The following LHFPL3 variants were observed in gnomAD, a reference collection of about 807,000 sequenced individuals.
LHFPL3 encodes LHFPL tetraspan subfamily member 3, also known as LHFPL tetraspan subfamily member 3 protein.
Under a neutral mutation model 19.3 loss-of-function variants are expected in LHFPL3, and 5 were observed. That is an observed-to-expected ratio of 0.26 (90% CI 0.14 to 0.54). LHFPL3 has a LOEUF of 0.54. LHFPL3 is among the 20% of genes least tolerant of loss of function. The probability of loss-of-function intolerance (pLI) is 0.94; values close to 1 mark genes in which losing one functional copy is unlikely to be tolerated. For synonymous variants in LHFPL3, 133 were observed against 126.2 expected (o/e 1.05, Z -0.36); for missense variants, 249 against 307.4 (o/e 0.81, Z 1.42).
chr7:104,646,383 C>T (rs1791935697), intron 1 of LHFPL3, among the ~76,000 whole-genome samples: 1 of 152,164 alleles, frequency 6.6e-6, no homozygotes. Context: ...AAGCTATCAT[C>T]AACATCATTG....
At chr7:104,488,337 T>C (rs536911810) in intron 1 of LHFPL3, among the ~76,000 whole-genome samples, 2 of 152,252 alleles carry the variant, frequency 1.3e-5, no homozygotes, top group Non-Finnish European at 2.9e-5. Context: ...AACAGAAACA[T>C]GTACATATCA....
intron 1 of LHFPL3, among the ~76,000 whole-genome samples, chr7:104,362,177 T>G (rs1790399726): frequency 6.6e-6 from 1 of 152,084 alleles, no homozygotes; most frequent in Admixed American, 6.5e-5. Flanking sequence ...TCCTCAGAAA[T>G]AATAGTGAGA....
In LHFPL3 at chr7:104,359,360, A is replaced by G. The variant is rs1021438060; in HGVS notation, c.445+30136A>G. Among the ~76,000 whole-genome samples the G allele has an allele frequency of 1.3e-4, 20 of 152,370 alleles. No homozygotes were observed. The East Asian group carries it at 3.7e-3, about 28-fold the overall frequency. ...ACTTATGTCACTTTACAAGTTAAAA[A>G]TAAAATTTAAAATTATTATATACTA... On this transcript the variant is annotated intron_variant, in intron 1 of 2. Coordinates refer to ENST00000424859, the MANE Select transcript of LHFPL3 (RefSeq NM_199000.3).
intron 1 of LHFPL3, among the ~76,000 whole-genome samples, chr7:104,594,028 C>T (rs13241317): frequency 0.13 from 20,077 of 152,050 alleles, 1,522 homozygotes; most frequent in Non-Finnish European, 0.17. Context: ...GGCATTTAGC[C>T]GATTTACATT....
intron 1 of LHFPL3, among the ~76,000 whole-genome samples, chr7:104,680,902 G>T (rs1200349171): frequency 1.3e-5 from 2 of 152,124 alleles, no homozygotes; most frequent in African/African-American, 4.8e-5. Flanking sequence ...ATTTAGCCTG[G>T]TGTGAAATGT....
intron 2 of LHFPL3, among the ~76,000 whole-genome samples, chr7:104,789,754 G>T (rs1789986275): frequency 6.6e-6 from 1 of 152,080 alleles, no homozygotes; most frequent in African/African-American, 2.4e-5. Context: ...TAAGTCTCCA[G>T]CACTGATCAT....
chr7:104,401,987 A>T (rs1238885284), intron 1 of LHFPL3, among the ~76,000 whole-genome samples: 1 of 152,188 alleles, frequency 6.6e-6, no homozygotes, highest in South Asian at 2.1e-4. Flanking sequence ...CACAGGAGTC[A>T]TAACAGTCTA....
intron 2 of LHFPL3, among the ~76,000 whole-genome samples, chr7:104,884,314 T>C (rs889826750): frequency 2.6e-5 from 4 of 152,142 alleles, no homozygotes; most frequent in African/African-American, 9.7e-5. Context: ...GGCCTTTGTT[T>C]TGGCAGCTTG....
intron 2 of LHFPL3, among the ~76,000 whole-genome samples, chr7:104,879,865 C>A (rs1384131880): frequency 6.6e-6 from 1 of 152,212 alleles, no homozygotes; most frequent in Non-Finnish European, 1.5e-5. Context: ...CCATGTAGCA[C>A]TTTCACAGCT....
At chr7:104,430,146 A>G (rs1383465798) in intron 1 of LHFPL3, among the ~76,000 whole-genome samples, 3 of 151,584 alleles carry the variant, frequency 2.0e-5, no homozygotes, top group African/African-American at 7.3e-5. Flanking sequence ...AATCTCGTGC[A>G]GGGAAAACAT....
At chr7:104,733,035 T>TG (rs1793734449) in intron 1 of LHFPL3, among the ~76,000 whole-genome samples, 1 of 152,246 alleles carries the variant, frequency 6.6e-6, no homozygotes, top group South Asian at 2.1e-4. Flanking sequence ...TGAGAGGTTT[T>TG]GAGTGAGTTT....
At position 104,368,045 on chromosome 7, in the gene LHFPL3, A is replaced by G. The variant is rs1180951450; in HGVS notation, c.445+38821A>G. Among the ~76,000 whole-genome samples the G allele has an allele frequency of 3.3e-5, 5 of 152,210 alleles. No individual in the cohort carries two copies. In the East Asian group the frequency reaches 9.6e-4, roughly 29 times the overall value. On this transcript the variant is annotated intron_variant, in intron 1 of 2. Transcript: ENST00000424859. ...AAACCCAGCTTTCCTCTCATTAGGA[A>G]TTCAGTGTTCTTGCTAGGATGTTTA...
rs557789065 is a variant in LHFPL3 at position 104,506,568 on chromosome 7, C to T, written c.445+177344C>T. On this transcript the variant is annotated intron_variant, in intron 1 of 2. Transcript: ENST00000424859. The stretch of plus-strand genomic sequence containing the variant: ...GTGGTGCCTGACACTAATTAGTGCT[C>T]ATTAGATACATGTAATCTCACTTGA... Among the ~76,000 whole-genome samples, 6 of 152,342 alleles carry T rather than the reference C, an allele frequency of 3.9e-5. No homozygotes were observed. The East Asian group carries it at 1.2e-3, about 29-fold the overall frequency.
chr7:104,328,980 C>G lies in LHFPL3; in HGVS notation c.201C>G (p.Thr67=), dbSNP rs1801518134. Residue 67 remains threonine (T), a synonymous_variant, in exon 1 of 3, where the codon ACC becomes ACG. Coordinates refer to ENST00000424859, the MANE Select transcript of LHFPL3 (RefSeq NM_199000.3). This position sits in a 1 kb window ranked among gnomAD's most constrained non-coding sequence, Gnocchi z 4.6. ...QPYWIGDGVD[T]PQAGYFGLFH... The stretch of plus-strand genomic sequence containing the variant: ...ACTGGATAGGCGACGGCGTGGACAC[C>G]CCGCAAGCCGGCTATTTCGGGCTCT... 1.2e-6 allele frequency: 2 copies of G among 1,614,220 alleles called. No individual in the cohort carries two copies. The highest frequency in any genetic ancestry group is 8.5e-7 in the Non-Finnish European group (1 of 1,180,030).
At chr7:104,356,371 A>G (rs146908935) in intron 1 of LHFPL3, among the ~76,000 whole-genome samples, 1 of 152,332 alleles carries the variant, frequency 6.6e-6, no homozygotes, top group East Asian at 1.9e-4. Context: ...CTAGTTTGAG[A>G]AACACCTGAT....
chr7:104,667,264 T>TGTGGGGG (rs56664847), intron 1 of LHFPL3, among the ~76,000 whole-genome samples: 6 of 148,070 alleles, frequency 4.1e-5, no homozygotes, highest in African/African-American at 1.5e-4. Flanking sequence ...TCTGTTTTCT[T>TGTGGGGG]GGGGGGGGGA....
At chr7:104,629,877 A>G (rs1375270202) in intron 1 of LHFPL3, among the ~76,000 whole-genome samples, 2 of 152,146 alleles carry the variant, frequency 1.3e-5, no homozygotes, top group African/African-American at 2.4e-5. Flanking sequence ...AAATGCACCA[A>G]CCATGTGCAT....
rs189524264 is a variant in LHFPL3, at chr7:104,711,881, C to T, written c.446-24794C>T. Among the ~76,000 whole-genome samples the T allele has an allele frequency of 2.4e-4, 36 of 152,218 alleles. No homozygotes were observed. The East Asian group carries it at 4.1e-3, about 17-fold the overall frequency. ...CCGTCAATTTGGGCCACAGTAACTA[C>T]AAATTAGAAGTGAAGAACCCATAAG... On this transcript the variant is annotated intron_variant, in intron 1 of 2. Transcript: ENST00000424859.
chr7:104,800,141 C>T (rs1425157791), intron 2 of LHFPL3: 1 of 152,298 alleles, frequency 6.6e-6, no homozygotes, highest in Non-Finnish European at 1.5e-5. Flanking sequence ...TGTCCTTAAA[C>T]CTAAGGCTAA....
Sources: allele counts gnomAD v4.1 joint callset (sites outside exome capture counted in the v4.1 genomes callset), GRCh38; gene constraint gnomAD v4.1.1; non-coding constraint Gnocchi (gnomAD v3.1); transcripts MANE v1.5; gene names NCBI Gene and HGNC (gene_info 2026-07-23, HGNC 2026-07-21).